Variants in PTPN13 observed in about 807,000 individuals in gnomAD.
PTPN13 encodes the protein tyrosine-protein phosphatase non-receptor type 13.
In PTPN13, 191 loss-of-function variants were observed where a neutral mutation model predicts 284.0. The observed-to-expected ratio is 0.67, with a 90% CI of 0.60 to 0.76. PTPN13 has a LOEUF of 0.76. Among genes scored for constraint, PTPN13 ranks in the 30% least tolerant of loss-of-function variants. The pLI is 0.00. For missense variants in PTPN13, 2,797 were observed against 2,939.9 expected (o/e 0.95, Z 1.12); for synonymous variants, 986 against 1,022.3 (o/e 0.96, Z 0.68).
rs1242243074 is a variant in PTPN13 at position 86,772,762 on chromosome 4, T to C, written c.5169-16T>C. 6.3e-7 allele frequency: 1 copy of C among 1,578,220 alleles called. No individual in the cohort carries two copies. Among genetic ancestry groups the C allele is most frequent in the East Asian group, 2.2e-5 (1 of 44,500 alleles). On this transcript the variant is annotated splice_polypyrimidine_tract_variant and intron_variant, in intron 31 of 47. Transcript: ENST00000411767. ...GAAATGTATTTAAAAATAGTCTTACTTCTTTGTCTCTGTAGTAATCCTTCC... is the reference window on the plus strand; with the variant it reads ...GAAATGTATTTAAAAATAGTCTTACCTCTTTGTCTCTGTAGTAATCCTTCC...
At chr4:86,767,549 A>G (rs1739473948) in intron 27 of PTPN13, among the ~76,000 whole-genome samples, 1 of 152,068 alleles carries the variant, frequency 6.6e-6, no homozygotes, top group South Asian at 2.1e-4. Context: ...CCTGGCCATT[A>G]TCATACATTT....
At chr4:86,806,296 A>G (rs17012081) in intron 44 of PTPN13, among the ~76,000 whole-genome samples, 6,916 of 152,156 alleles carry the variant, frequency 0.045, 517 homozygotes, top group African/African-American at 0.16. Context: ...AAATTCTTAT[A>G]ATTACCAGCC....
chr4:86,791,195 C>T (rs868832211), intron 40 of PTPN13, among the ~76,000 whole-genome samples: 79 of 152,210 alleles, frequency 5.2e-4, no homozygotes, highest in African/African-American at 1.9e-3. Flanking sequence ...GATACTGTCC[C>T]ATGTCTGGCT....
At chr4:86,637,485 T>C (rs1723166319) in intron 2 of PTPN13, among the ~76,000 whole-genome samples, 1 of 151,672 alleles carries the variant, frequency 6.6e-6, no homozygotes, top group African/African-American at 2.4e-5. Context: ...TCCACCATGA[T>C]CAAGTGGGCT....
chr4:86,717,068 C>T lies in PTPN13; in HGVS notation c.1336C>T (p.Leu446Phe). 1 of 1,613,210 alleles carries T rather than the reference C, an allele frequency of 6.2e-7. No homozygotes were observed. Among genetic ancestry groups the T allele is most frequent in the Non-Finnish European group, 8.5e-7 (1 of 1,179,628 alleles). The change falls in exon 9 of 48, where the codon CTC (leucine) becomes TTC (phenylalanine). Residue 446 changes from leucine to phenylalanine, a missense_variant. Transcript: ENST00000411767. The stretch of plus-strand genomic sequence containing the variant: ...AAAGAGGTTTGAATCCAGCAGTGGT[C>T]TCCCAGGGGTAGATGAAACCTTAAG... ...ASKRFESSSGLPGVDETLSQG... is the reference protein window; with the variant it reads ...ASKRFESSSGFPGVDETLSQG...
chr4:86,688,218 C>A (rs1729644696), intron 4 of PTPN13, among the ~76,000 whole-genome samples: 1 of 152,110 alleles, frequency 6.6e-6, no homozygotes, highest in East Asian at 1.9e-4. Context: ...GTGGAAGAGT[C>A]ATAGGAAAGG....
intron 2 of PTPN13, among the ~76,000 whole-genome samples, chr4:86,663,577 G>T (rs914841490): frequency 1.3e-5 from 2 of 152,152 alleles, no homozygotes; most frequent in Non-Finnish European, 2.9e-5. Flanking sequence ...TGCTTCCGTG[G>T]TTTTCTCAAA....
intron 1 of PTPN13, among the ~76,000 whole-genome samples, chr4:86,617,649 T>A (rs1252294612): frequency 6.6e-6 from 1 of 152,166 alleles, no homozygotes; most frequent in Non-Finnish European, 1.5e-5. Flanking sequence ...GGTATCTCAT[T>A]GTGGTTTTGA....
intron 46 of PTPN13, among the ~76,000 whole-genome samples, 199 bp downstream of exon 46, chr4:86,810,183 AAAT>A: frequency 6.6e-6 from 1 of 152,334 alleles, no homozygotes; most frequent in East Asian, 1.9e-4. Context: ...GATCAACAAA[AAAT>A]AATACTTCAA....
chr4:86,607,857 C>T (rs35306557), intron 1 of PTPN13, among the ~76,000 whole-genome samples: 3,751 of 152,062 alleles, frequency 0.025, 71 homozygotes, highest in Non-Finnish European at 0.037. Flanking sequence ...GGCTTCACAG[C>T]GCCGAGTTCC....
At chr4:86,771,639 C>G in intron 31 of PTPN13, 104 bp downstream of exon 31, 1 of 1,245,106 alleles carries the variant, frequency 8.0e-7, no homozygotes, top group Non-Finnish European at 1.1e-6. Flanking sequence ...TATCTGTGAC[C>G]TTCACAGTGG....
At chr4:86,812,379 A>T (rs1479956213) in intron 47 of PTPN13, among the ~76,000 whole-genome samples, 1 of 152,042 alleles carries the variant, frequency 6.6e-6, no homozygotes, top group Non-Finnish European at 1.5e-5. Flanking sequence ...TAAAACAAAG[A>T]TCCTTGCTAG....
At chr4:86,798,295 T>C (rs1376584714) in intron 41 of PTPN13, among the ~76,000 whole-genome samples, 1 of 152,180 alleles carries the variant, frequency 6.6e-6, no homozygotes, top group Admixed American at 6.5e-5. Flanking sequence ...TAGAGCTTTT[T>C]AACCCAGCAA....
chr4:86,710,127 A>G (rs913877282), intron 7 of PTPN13, among the ~76,000 whole-genome samples: 4 of 152,228 alleles, frequency 2.6e-5, no homozygotes, highest in African/African-American at 9.6e-5. Context: ...CACTTAATAT[A>G]TGAATACATA....
intron 2 of PTPN13, among the ~76,000 whole-genome samples, chr4:86,664,258 T>C (rs913958763): frequency 5.3e-5 from 8 of 152,214 alleles, no homozygotes; most frequent in African/African-American, 1.9e-4. Context: ...CTGACTCTTA[T>C]CTTAAATCAT....
At chr4:86,679,602 A>G (rs1728663562) in intron 3 of PTPN13, among the ~76,000 whole-genome samples, 1 of 152,242 alleles carries the variant, frequency 6.6e-6, no homozygotes, top group Non-Finnish European at 1.5e-5. Context: ...CCTCTATGCC[A>G]TATTTGGCAA....
chr4:86,597,834 TC>T, intron 1 of PTPN13, among the ~76,000 whole-genome samples: 1 of 152,078 alleles, frequency 6.6e-6, no homozygotes, highest in Middle Eastern at 3.4e-3. Flanking sequence ...CACATGTTTT[TC>T]CCAGAGTTTG....
At chr4:86,673,849 G>A (rs1727977765) in intron 3 of PTPN13, among the ~76,000 whole-genome samples, 1 of 152,004 alleles carries the variant, frequency 6.6e-6, no homozygotes, top group South Asian at 2.1e-4. Context: ...CTGGATTACG[G>A]GCACATGCCA....
intron 1 of PTPN13, among the ~76,000 whole-genome samples, chr4:86,622,425 A>G (rs1721355675): frequency 6.6e-6 from 1 of 152,174 alleles, no homozygotes; most frequent in African/African-American, 2.4e-5. Flanking sequence ...TATGTTAACG[A>G]AGGGTAGTAA....
Sources: gnomAD v4.1 joint callset for allele counts (sites outside exome capture counted in the v4.1 genomes callset) on GRCh38, gnomAD v4.1.1 for gene constraint, MANE v1.5 for transcripts, NCBI Gene and HGNC (gene_info 2026-07-23, HGNC 2026-07-21) for gene names.